RYR1: variants seen among roughly 807,000 people sequenced by gnomAD.
RYR1 encodes central core disease of muscle.
A neutral mutation model predicts 583.5 loss-of-function variants in RYR1; 342 were observed. The observed-to-expected ratio is 0.59, with a 90% CI of 0.54 to 0.64. The LOEUF (loss-of-function observed/expected upper bound fraction) is 0.64, where lower values mean the gene tolerates loss of function less well. Ranked by LOEUF, RYR1 falls within the 30% of genes least tolerant of loss-of-function variation. The probability of loss-of-function intolerance (pLI) is 0.00; values close to 1 mark genes in which losing one functional copy is unlikely to be tolerated. For missense variants in RYR1, 6,032 were observed against 6,917.2 expected (o/e 0.87, Z 4.54); for synonymous variants, 2,791 against 2,822.5 (o/e 0.99, Z 0.35).
chr19:38,538,244 A>T lies in RYR1; in HGVS notation c.11689+284A>T, dbSNP rs556103049. ...GAAACCCCGTCTCTACTAAAAATAT[A>T]AAAAAAATAGCAGGGCGTGGTGGCA... On this transcript the variant is annotated intron_variant, in intron 84 of 105. Transcript: ENST00000359596. Among the ~76,000 whole-genome samples the T allele has an allele frequency of 2.6e-5, 4 of 152,036 alleles. No individual in the cohort carries two copies. The South Asian group carries it at 6.2e-4, about 24-fold the overall frequency.
chr19:38,496,317 C>T lies in RYR1; in HGVS notation c.6651C>T (p.Gly2217=), dbSNP rs371006370. 3.3e-5 allele frequency: 53 copies of T among 1,613,788 alleles called. No individual in the cohort carries two copies. Among genetic ancestry groups the T allele is most frequent in the Middle Eastern group, 1.6e-4 (1 of 6,082 alleles). ...AGGTCATGGTCAACGTCCTCGGGGGCGGCGAGTCCAAGGTGAGGGCCCAGG... is the reference window on the plus strand; with the variant it reads ...AGGTCATGGTCAACGTCCTCGGGGGTGGCGAGTCCAAGGTGAGGGCCCAGG... The part of the protein sequence containing the change: ...VMEVMVNVLG[G]GESKEIRFPK... The change falls in exon 40 of 106, where the codon GGC becomes GGT. Residue 2217 remains glycine, a synonymous_variant. Transcript: ENST00000359596. The surrounding 1 kb of genome is among the most constrained non-coding windows in gnomAD (Gnocchi z 4.8).
intron 1 of RYR1, among the ~76,000 whole-genome samples, chr19:38,435,684 C>A (rs532161470): frequency 6.6e-6 from 1 of 151,916 alleles, no homozygotes; most frequent in Non-Finnish European, 1.5e-5. Context: ...TGCAGTGAGC[C>A]GAGATTGCGC....
At chr19:38,486,321 C>T in intron 34 of RYR1, 119 bp downstream of exon 34, 1 of 1,211,296 alleles carries the variant, frequency 8.3e-7, no homozygotes. Flanking sequence ...ATTCCCTCCT[C>T]TATACATCCA....
At chr19:38,527,507 C>A in intron 72 of RYR1, 140 bp from the exon 73 acceptor site, 2 of 1,174,630 alleles carry the variant, frequency 1.7e-6, no homozygotes, top group Non-Finnish European at 1.2e-6. Flanking sequence ...GAGGCTCCGT[C>A]TCAAAACAAA....
At chr19:38,536,890 G>A in intron 83 of RYR1, 123 bp downstream of exon 83, 1 of 1,043,368 alleles carries the variant, frequency 9.6e-7, no homozygotes, top group South Asian at 1.3e-5. Context: ...CCTTCAGCAG[G>A]TGCACCCTGC....
chr19:38,433,749 C>G lies in RYR1; in HGVS notation c.-81C>G. 1.4e-6 allele frequency: 1 copy of G among 698,470 alleles called. No homozygotes were observed. The highest frequency in any genetic ancestry group is 2.6e-6 in the Non-Finnish European group (1 of 382,412). 43.3% of individuals were successfully genotyped at this position (698,470 alleles called of 1,614,324 possible). A position where few individuals can be genotyped will look rare whatever the true frequency, so the allele number is the denominator to read the frequency against. The stretch of plus-strand genomic sequence containing the variant: ...TCTCCAGAGGTCTCCGACCCCAGCC[C>G]GCCCCCAGCCCTCCCGCCCAGCCCG... On this transcript the variant is annotated 5_prime_UTR_variant, in exon 1 of 106. Transcript: ENST00000359596.
intron 89 of RYR1, among the ~76,000 whole-genome samples, chr19:38,555,709 A>G (rs1408126733): frequency 6.6e-6 from 1 of 152,102 alleles, no homozygotes; most frequent in Non-Finnish European, 1.5e-5. Context: ...AGGGCCACCC[A>G]TTGCAATTGG....
rs1969847037 is a variant in RYR1 at position 38,496,727 on chromosome 19, G to C, written c.6797-133G>C. The C allele has an allele frequency of 8.8e-7, 1 of 1,134,442 alleles. No homozygotes were observed. The highest frequency in any genetic ancestry group is 1.5e-5 in the African/African-American group (1 of 65,426). 70.3% of individuals were successfully genotyped at this position (1,134,442 alleles called of 1,614,324 possible). A position where few individuals can be genotyped will look rare whatever the true frequency, so the allele number is the denominator to read the frequency against. ...CAATAGTGACAGCCCAGAGTGGTCAGAGCTTGGATGAGGGAAGTACAGACC... is the reference window on the plus strand; with the variant it reads ...CAATAGTGACAGCCCAGAGTGGTCACAGCTTGGATGAGGGAAGTACAGACC... On this transcript the variant is annotated intron_variant, in intron 41 of 105. Coordinates refer to ENST00000359596, the MANE Select transcript of RYR1 (RefSeq NM_000540.3). The surrounding 1 kb of genome is among the most constrained non-coding windows in gnomAD (Gnocchi z 4.8).
rs568486136 is a variant in RYR1 at position 38,483,461 on chromosome 19, G to T, written c.4879G>T (p.Val1627Leu). The T allele has an allele frequency of 6.4e-7, 1 of 1,568,174 alleles. No homozygotes were observed. The highest frequency in any genetic ancestry group is 1.3e-5 in the African/African-American group (1 of 74,286). ...RRAGERLGWA[V>L]QCQEPLTMMA... The stretch of plus-strand genomic sequence containing the variant: ...TGCCGGCGAGCGGCTGGGCTGGGCC[G>T]TGCAGTGCCAGGAGCCGCTGACCAT... Residue 1627 changes from valine (V) to leucine (L), a missense_variant, in exon 33 of 106, where the codon GTG (valine) becomes TTG (leucine). Physicochemically the swap from Val to Leu is conservative, Grantham distance 32 (BLOSUM62 1). Transcript: ENST00000359596. The surrounding 1 kb of genome is among the most constrained non-coding windows in gnomAD (Gnocchi z 6.3).
intron 42 of RYR1, among the ~76,000 whole-genome samples, chr19:38,497,199 G>A (rs988931471): frequency 4.7e-5 from 7 of 149,090 alleles, no homozygotes; most frequent in Admixed American, 2.7e-4. Flanking sequence ...CACAGTCTAC[G>A]CTTCCGGGAT....
intron 58 of RYR1, among the ~76,000 whole-genome samples, chr19:38,508,714 A>T (rs955480043): frequency 1.3e-5 from 2 of 152,166 alleles, no homozygotes; most frequent in Non-Finnish European, 1.5e-5. Context: ...AAGCAGAGTC[A>T]TCGAGGGGGA....
chr19:38,481,273 C>T (rs989745795), intron 31 of RYR1, among the ~76,000 whole-genome samples: 20 of 152,170 alleles, frequency 1.3e-4, no homozygotes, highest in East Asian at 5.8e-4. Flanking sequence ...ACCACAGACA[C>T]GCACTACCAC....
intron 31 of RYR1, among the ~76,000 whole-genome samples, chr19:38,482,120 C>T (rs1488884832): frequency 6.6e-6 from 1 of 151,860 alleles, no homozygotes; most frequent in Non-Finnish European, 1.5e-5. Context: ...TTAAATAAAC[C>T]CAGAGTCTCA....
intron 66 of RYR1, among the ~76,000 whole-genome samples, chr19:38,518,678 C>T (rs945713033): frequency 1.3e-5 from 2 of 152,136 alleles, no homozygotes; most frequent in African/African-American, 4.8e-5. Context: ...CCTGTAATCC[C>T]AGCACTATGG....
intron 42 of RYR1, among the ~76,000 whole-genome samples, chr19:38,498,230 AGG>A (rs2145594539): frequency 6.6e-6 from 1 of 152,284 alleles, no homozygotes; most frequent in Admixed American, 6.5e-5. Flanking sequence ...GGTCACAACA[AGG>A]GCTCTGGCTT....
intron 33 of RYR1, among the ~76,000 whole-genome samples, chr19:38,484,507 T>C (rs1330555340): frequency 7.2e-6 from 1 of 139,206 alleles, no homozygotes; most frequent in Non-Finnish European, 1.5e-5. Context: ...ACAAATAGCT[T>C]TGGGTCCCTC....
chr19:38,459,303 C>G lies in RYR1; in HGVS notation c.2325C>G (p.Leu775=). ...GVFESFNLDG[L]FFPVVSFSAG... ...TTGAGTCCTTCAACCTGGACGGGCT[C>G]TTCTTCCCTGTTGTCAGCTTCTCGG... Residue 775 remains leucine (L), a synonymous_variant, in exon 19 of 106, where the codon CTC becomes CTG. Coordinates refer to ENST00000359596, the MANE Select transcript of RYR1 (RefSeq NM_000540.3). 1.2e-6 allele frequency: 2 copies of G among 1,614,094 alleles called. No individual in the cohort carries two copies. The highest frequency in any genetic ancestry group is 1.7e-6 in the Non-Finnish European group (2 of 1,180,020).
chr19:38,557,493 C>T (rs1972931851), intron 89 of RYR1, among the ~76,000 whole-genome samples: 1 of 152,088 alleles, frequency 6.6e-6, no homozygotes, highest in Non-Finnish European at 1.5e-5. Context: ...GAGGGGACAG[C>T]GAAGCTGAGA....
chr19:38,584,446 AC>A (rs1974364520), intron 101 of RYR1, among the ~76,000 whole-genome samples: 2 of 16,920 alleles, frequency 1.2e-4, no homozygotes, highest in African/African-American at 2.7e-4. Context: ...TGTGCCCCCC[AC>A]CCAACCTGGC....
Sources: gnomAD v4.1 joint callset for allele counts (sites outside exome capture counted in the v4.1 genomes callset) on GRCh38, gnomAD v4.1.1 for gene constraint, Gnocchi (gnomAD v3.1) non-coding constraint, MANE v1.5 for transcripts, NCBI Gene and HGNC (gene_info 2026-07-23, HGNC 2026-07-21) for gene names.